CDNF: variants seen among roughly 807,000 people sequenced by gnomAD.
CDNF encodes the protein ARMET-like protein 1.
A neutral mutation model predicts 14.8 loss-of-function variants in CDNF; 9 were observed. The observed-to-expected ratio is 0.61, with a 90% CI of 0.37 to 1.06. The LOEUF (loss-of-function observed/expected upper bound fraction) is 1.06, where lower values mean the gene tolerates loss of function less well. Among genes scored for constraint, CDNF ranks in the 50% least tolerant of loss-of-function variants. The pLI is 0.01. For missense variants in CDNF, 228 were observed against 228.4 expected (o/e 1.00, Z 0.01); for synonymous variants, 86 against 87.2 (o/e 0.99, Z 0.07).
intron 1 of CDNF, among the ~76,000 whole-genome samples, chr10:14,829,952 T>C (rs907344347): frequency 6.6e-6 from 1 of 152,142 alleles, no homozygotes; most frequent in Non-Finnish European, 1.5e-5. Context: ...TTGTTGTTTC[T>C]ATAGGTTCTT....
rs771575286 is a variant in CDNF at position 14,819,934 on chromosome 10, C to T, written c.*46G>A. The T allele has an allele frequency of 1.3e-6, 2 of 1,547,974 alleles. No homozygotes were observed. Among genetic ancestry groups the T allele is most frequent in the South Asian group, 1.2e-5 (1 of 86,358 alleles). On this transcript the variant is annotated 3_prime_UTR_variant, in exon 4 of 4. Coordinates refer to ENST00000465530, the MANE Select transcript of CDNF (RefSeq NM_001029954.3). ...TCAACATGTCCATATCCTAGAGAGTCACTTTTCTCTCTAATTACAAGTCAC... is the reference window on the plus strand; with the variant it reads ...TCAACATGTCCATATCCTAGAGAGTTACTTTTCTCTCTAATTACAAGTCAC...
At chr10:14,820,747 A>G (rs773180100) in intron 3 of CDNF, among the ~76,000 whole-genome samples, 29 of 152,072 alleles carry the variant, frequency 1.9e-4, no homozygotes, top group Non-Finnish European at 4.0e-4. Flanking sequence ...AAAAATACAA[A>G]CAATACAGTA....
chr10:14,829,494 G>A (rs1237363987), intron 1 of CDNF, among the ~76,000 whole-genome samples: 2 of 152,188 alleles, frequency 1.3e-5, no homozygotes, highest in Non-Finnish European at 2.9e-5. Flanking sequence ...TGGGAGGCTT[G>A]TTAGGTCATT....
At chr10:14,824,191 A>C (rs1833760344) in intron 3 of CDNF, among the ~76,000 whole-genome samples, 1 of 152,156 alleles carries the variant, frequency 6.6e-6, no homozygotes, top group South Asian at 2.1e-4. Flanking sequence ...AGGCTGAGGA[A>C]GGAATTCCAC....
intron 1 of CDNF, 105 bp from the exon 2 acceptor site, chr10:14,828,377 G>T (rs1042044193): frequency 2.3e-5 from 26 of 1,107,284 alleles, no homozygotes; most frequent in Non-Finnish European, 2.2e-5. Context: ...GGCTGGGCAT[G>T]GTGGCTTACC....
At chr10:14,834,010 G>A (rs1833866176) in intron 1 of CDNF, among the ~76,000 whole-genome samples, 1 of 152,162 alleles carries the variant, frequency 6.6e-6, no homozygotes, top group Non-Finnish European at 1.5e-5. Flanking sequence ...ATGCAAAGCA[G>A]AAACCTGCTG....
At position 14,825,591 on chromosome 10, in the gene CDNF, T is replaced by C. The variant is rs1272735582; in HGVS notation, c.273A>G (p.Ala91=). Residue 91 remains alanine (A), a synonymous_variant, in exon 3 of 4, where the codon GCA becomes GCG. Coordinates refer to ENST00000465530, the MANE Select transcript of CDNF (RefSeq NM_001029954.3). Reference sequence around the variant, plus strand: ...TGACTTCACTTAGGATCTTTGTGGCTGCGTCTTTTGTGGCTCCTAGATAAT... The same window carrying C: ...TGACTTCACTTAGGATCTTTGTGGCCGCGTCTTTTGTGGCTCCTAGATAAT... The part of the protein sequence containing the change: ...LCYYLGATKD[A]ATKILSEVTR... 6.2e-7 allele frequency: 1 copy of C among 1,613,930 alleles called. No homozygotes were observed. Among genetic ancestry groups the C allele is most frequent in the Non-Finnish European group, 8.5e-7 (1 of 1,179,988 alleles).
At chr10:14,833,699 C>T (rs1366198959) in intron 1 of CDNF, among the ~76,000 whole-genome samples, 2 of 151,834 alleles carry the variant, frequency 1.3e-5, no homozygotes, top group Non-Finnish European at 2.9e-5. Flanking sequence ...AAGCCATCAA[C>T]ATTCAAATGG....
chr10:14,821,731 T>C (rs1833740404), intron 3 of CDNF, among the ~76,000 whole-genome samples: 1 of 152,244 alleles, frequency 6.6e-6, no homozygotes, highest in African/African-American at 2.4e-5. Flanking sequence ...CAATGTTTAC[T>C]ACCATTTGGA....
intron 3 of CDNF, among the ~76,000 whole-genome samples, chr10:14,824,188 G>A (rs1833760322): frequency 6.6e-6 from 1 of 152,276 alleles, no homozygotes; most frequent in African/African-American, 2.4e-5. Context: ...GATAGGCTGA[G>A]GAAGGAATTC....
chr10:14,837,287 G>A (rs1205001973), intron 1 of CDNF, among the ~76,000 whole-genome samples: 3 of 152,264 alleles, frequency 2.0e-5, no homozygotes, highest in Admixed American at 1.3e-4. Flanking sequence ...CTGAGATACC[G>A]TGAACAAAAA....
At chr10:14,837,734 A>C in intron 1 of CDNF, 98 bp downstream of exon 1, 1 of 672,218 alleles carries the variant, frequency 1.5e-6, no homozygotes, top group Non-Finnish European at 2.5e-6. Flanking sequence ...TCCTGGGCGG[A>C]ATGTTATTTA....
chr10:14,819,931 A>C lies in CDNF; in HGVS notation c.*49T>G, dbSNP rs761194597. The C allele has an allele frequency of 7.1e-6, 11 of 1,545,178 alleles. No homozygotes were observed. Among genetic ancestry groups the C allele is most frequent in the Non-Finnish European group, 9.7e-6 (11 of 1,130,506 alleles). ...TAATCAACATGTCCATATCCTAGAG[A>C]GTCACTTTTCTCTCTAATTACAAGT... is the stretch of plus-strand genomic sequence containing the variant. On this transcript the variant is annotated 3_prime_UTR_variant, in exon 4 of 4. Coordinates refer to ENST00000465530, the MANE Select transcript of CDNF (RefSeq NM_001029954.3).
In CDNF at chr10:14,826,221, CAGAA is replaced by C. The variant is rs566457407; in HGVS notation, c.244-605_244-602del. On this transcript the variant is annotated intron_variant, in intron 2 of 3. Coordinates refer to ENST00000465530, the MANE Select transcript of CDNF (RefSeq NM_001029954.3). ...GAAGAAGAAGAAGAAGAAGAAGAAG[CAGAA>C]GCAGAAGCAGCAGCAGAAGAAGCAT... Among the ~76,000 whole-genome samples the C allele has an allele frequency of 5.3e-3, 744 of 139,514 alleles. 5 individuals carry two copies. The highest frequency in any genetic ancestry group is 0.028 in the Middle Eastern group (7 of 248). 91.5% of individuals were successfully genotyped at this position (139,514 alleles called of 152,430 possible).
At chr10:14,825,234 G>T (rs1181633834) in intron 3 of CDNF, among the ~76,000 whole-genome samples, 1 of 152,136 alleles carries the variant, frequency 6.6e-6, no homozygotes, top group East Asian at 1.9e-4. Context: ...GGGATGAAAG[G>T]CCTGAGCCAC....
chr10:14,821,474 A>G (rs917702100), intron 3 of CDNF, among the ~76,000 whole-genome samples: 1 of 152,202 alleles, frequency 6.6e-6, no homozygotes, highest in East Asian at 1.9e-4. Context: ...TAGCATTTTC[A>G]TTGTATTAAG....
chr10:14,820,149 A>T lies in CDNF; in HGVS notation c.395T>A (p.Leu132Gln). Residue 132 changes from leucine to glutamine, a missense_variant, in exon 4 of 4, where the codon CTG becomes CAG. Transcript: ENST00000465530. ...CCGCAGGTCAACTGATGCCAAGTCC[A>T]GTGTTTTTTCTAAATGGCAAAAAGG... is the stretch of plus-strand genomic sequence containing the variant. ...QICELKYEKT[L>Q]DLASVDLRKM... 2 of 1,605,984 alleles carry T rather than the reference A, an allele frequency of 1.2e-6. No individual in the cohort carries two copies. Among genetic ancestry groups the T allele is most frequent in the South Asian group, 2.2e-5 (2 of 89,020 alleles).
chr10:14,832,850 T>C (rs1046732689), intron 1 of CDNF, among the ~76,000 whole-genome samples: 11 of 148,856 alleles, frequency 7.4e-5, no homozygotes, highest in African/African-American at 2.7e-4. Flanking sequence ...TTTCTTTTTT[T>C]GCTTTTTTTT....
At chr10:14,827,391 A>G (rs1479439292) in intron 2 of CDNF, among the ~76,000 whole-genome samples, 1 of 152,248 alleles carries the variant, frequency 6.6e-6, no homozygotes, top group East Asian at 1.9e-4. Flanking sequence ...AAAACAGTAT[A>G]TTGAAACAAG....
Sources: gnomAD v4.1 joint callset for allele counts (sites outside exome capture counted in the v4.1 genomes callset) on GRCh38, gnomAD v4.1.1 for gene constraint, MANE v1.5 for transcripts, NCBI Gene and HGNC (gene_info 2026-07-23, HGNC 2026-07-21) for gene names.